The following TGFA variants were observed in gnomAD, a reference collection of about 807,000 sequenced individuals.
The protein encoded by TGFA is protransforming growth factor alpha.
A neutral mutation model predicts 21.7 loss-of-function variants in TGFA; 12 were observed. The observed-to-expected ratio is 0.55, with a 90% CI of 0.35 to 0.90. TGFA has a LOEUF of 0.90. Ranked by LOEUF, TGFA falls within the 40% of genes least tolerant of loss-of-function variation. The pLI is 0.01. For synonymous variants in TGFA, 79 were observed against 88.1 expected, an observed-to-expected ratio of 0.90 and a Z score of 0.58; for missense variants, 178 against 210.8, an observed-to-expected ratio of 0.84 and a Z score of 0.96.
At chr2:70,531,073 C>T (rs1441279606) in intron 1 of TGFA, among the ~76,000 whole-genome samples, 4 of 152,204 alleles carry the variant, frequency 2.6e-5, no homozygotes, top group East Asian at 1.9e-4. Flanking sequence ...CTGAGACATA[C>T]CCTATATCCT....
intron 1 of TGFA, among the ~76,000 whole-genome samples, chr2:70,546,248 C>CACTGTGCTATACATATAGT (rs11276359): frequency 6.6e-6 from 1 of 151,988 alleles, no homozygotes; most frequent in African/African-American, 2.4e-5. Context: ...CAGAGCAAGA[C>CACTGTGCTATACATATAGT]ACTGGAACCT....
chr2:70,522,075 G>T (rs1553502393), intron 1 of TGFA, among the ~76,000 whole-genome samples: 1 of 152,176 alleles, frequency 6.6e-6, no homozygotes, highest in Non-Finnish European at 1.5e-5. Flanking sequence ...CAGTTCAGAA[G>T]TTTTTACATC....
intron 1 of TGFA, among the ~76,000 whole-genome samples, chr2:70,525,022 G>C (rs1672591537): frequency 6.6e-6 from 1 of 152,170 alleles, no homozygotes; most frequent in South Asian, 2.1e-4. Flanking sequence ...TTAGACTCTT[G>C]GTGGCTGAAA....
intron 1 of TGFA, among the ~76,000 whole-genome samples, chr2:70,524,541 A>G (rs1672574244): frequency 6.6e-6 from 1 of 152,234 alleles, no homozygotes; most frequent in Non-Finnish European, 1.5e-5. Context: ...CAGCTGCTGA[A>G]TCACCAACAG....
intron 1 of TGFA, among the ~76,000 whole-genome samples, chr2:70,516,321 C>A (rs547261560): frequency 1.7e-4 from 25 of 145,016 alleles, no homozygotes; most frequent in African/African-American, 5.2e-4. Context: ...GGGTTCCTTG[C>A]CCCTTTTCAC....
chr2:70,463,077 G>A (rs1224311223), intron 3 of TGFA, among the ~76,000 whole-genome samples: 5 of 152,058 alleles, frequency 3.3e-5, no homozygotes, highest in Admixed American at 2.6e-4. Flanking sequence ...CATGGGTTCT[G>A]GTGCTGGAAT....
intron 2 of TGFA, among the ~76,000 whole-genome samples, chr2:70,511,338 G>A (rs1427706733): frequency 2.6e-5 from 4 of 152,156 alleles, no homozygotes; most frequent in African/African-American, 9.7e-5. Flanking sequence ...TTTCTGGATG[G>A]TTTGTTTCTG....
chr2:70,522,932 C>T (rs1672518804), intron 1 of TGFA, among the ~76,000 whole-genome samples: 1 of 152,170 alleles, frequency 6.6e-6, no homozygotes, highest in South Asian at 2.1e-4. Context: ...GAGAAAGGAT[C>T]CTTCCAATTC....
At chr2:70,538,327 A>G (rs1187468474) in intron 1 of TGFA, among the ~76,000 whole-genome samples, 1 of 152,222 alleles carries the variant, frequency 6.6e-6, no homozygotes, top group Non-Finnish European at 1.5e-5. Flanking sequence ...TTAAAGAGCA[A>G]TTTCAAATTT....
intron 1 of TGFA, among the ~76,000 whole-genome samples, chr2:70,517,933 C>G (rs1672334991): frequency 6.6e-6 from 1 of 152,266 alleles, no homozygotes; most frequent in Admixed American, 6.5e-5. Context: ...CCAGGCTCAC[C>G]AGCTGCCCAG....
intron 1 of TGFA, chr2:70,553,434 G>A (rs1673578373): frequency 2.1e-6 from 3 of 1,416,376 alleles, no homozygotes; most frequent in Non-Finnish European, 2.8e-6. Context: ...CAGACACACA[G>A]CTGCGGCGGA....
chr2:70,538,629 C>T (rs112398874), intron 1 of TGFA, among the ~76,000 whole-genome samples: 2 of 152,030 alleles, frequency 1.3e-5, no homozygotes, highest in East Asian at 1.9e-4. Flanking sequence ...AAGTAAAGCC[C>T]GAAGATGAGA....
chr2:70,514,135 G>A (rs1553501280), intron 2 of TGFA, among the ~76,000 whole-genome samples: 1 of 152,174 alleles, frequency 6.6e-6, no homozygotes, highest in African/African-American at 2.4e-5. Context: ...ACTTTAATGA[G>A]ACAGCATGAC....
intron 1 of TGFA, among the ~76,000 whole-genome samples, chr2:70,529,504 T>G (rs781892744): frequency 2.6e-5 from 4 of 151,924 alleles, no homozygotes; most frequent in Non-Finnish European, 5.9e-5. Flanking sequence ...ATAGATGACA[T>G]CTGACACAGG....
At chr2:70,522,159 C>T (rs1393519117) in intron 1 of TGFA, among the ~76,000 whole-genome samples, 1 of 152,208 alleles carries the variant, frequency 6.6e-6, no homozygotes, top group Non-Finnish European at 1.5e-5. Flanking sequence ...TGGCCTAACG[C>T]ACCTACATAG....
intron 1 of TGFA, among the ~76,000 whole-genome samples, chr2:70,522,812 A>G (rs1672513465): frequency 6.6e-6 from 1 of 152,184 alleles, no homozygotes; most frequent in Non-Finnish European, 1.5e-5. Flanking sequence ...GAGCACTTGA[A>G]TCCTGACATT....
chr2:70,539,514 G>A (rs992655911), intron 1 of TGFA, among the ~76,000 whole-genome samples: 1 of 152,194 alleles, frequency 6.6e-6, no homozygotes, highest in Non-Finnish European at 1.5e-5. Context: ...GAGTGAAGTG[G>A]CACAATCTCA....
At chr2:70,522,565 G>T (rs1355242738) in intron 1 of TGFA, among the ~76,000 whole-genome samples, 2 of 152,166 alleles carry the variant, frequency 1.3e-5, no homozygotes, top group Non-Finnish European at 2.9e-5. Context: ...CTCCTGAATA[G>T]CTGGGATACA....
chr2:70,456,282 T>A, intron 4 of TGFA, 57 bp downstream of exon 4: 1 of 1,512,638 alleles, frequency 6.6e-7, no homozygotes, highest in Non-Finnish European at 8.9e-7. Flanking sequence ...ATACTGCGGA[T>A]GTCCCTGGTA....
Sources: gnomAD v4.1 joint callset for allele counts (sites outside exome capture counted in the v4.1 genomes callset) on GRCh38, gnomAD v4.1.1 for gene constraint, MANE v1.5 for transcripts, NCBI Gene and HGNC (gene_info 2026-07-23, HGNC 2026-07-21) for gene names.